The following PSD3 variants were observed in gnomAD, a reference collection of about 807,000 sequenced individuals.
PSD3 encodes the protein PH and SEC7 domain-containing protein 3.
In PSD3, 49 loss-of-function variants were observed where a neutral mutation model predicts 105.5. The ratio of observed to expected loss-of-function variants is 0.46; its 90% CI spans 0.37 to 0.59. PSD3 has a LOEUF of 0.59. Ranked by LOEUF, PSD3 falls within the 20% of genes least tolerant of loss-of-function variation. PSD3 has a pLI of 0.00. For synonymous variants in PSD3, 557 were observed against 457.8 expected (o/e 1.22, Z -2.77); for missense variants, 1,561 against 1,263.8 (o/e 1.24, Z -3.57).
chr8:18,871,704 C>T lies in PSD3; in HGVS notation c.1160G>A (p.Ser387Asn), dbSNP rs1474095687. The T allele has an allele frequency of 1.2e-6, 2 of 1,614,056 alleles. No individual in the cohort carries two copies. Among genetic ancestry groups the T allele is most frequent in the Admixed American group, 3.3e-5 (2 of 60,006 alleles). ...GTFSPVRLDESGEDEVFLQEN... is the reference protein window; with the variant it reads ...GTFSPVRLDENGEDEVFLQEN... ...CTGTAGGAAGACTTCATCCTCTCCA[C>T]TCTCATCAAGACGCACAGGGGAAAA... Residue 387 changes from serine to asparagine, a missense_variant, in exon 3 of 16, where the codon AGT (serine) becomes AAT (asparagine). Transcript: ENST00000327040.
chr8:18,596,354 G>A (rs985801070), intron 12 of PSD3, among the ~76,000 whole-genome samples: 9 of 151,790 alleles, frequency 5.9e-5, no homozygotes, highest in African/African-American at 2.2e-4. Context: ...GTAATGCAAA[G>A]TTAGCACAGG....
intron 9 of PSD3, among the ~76,000 whole-genome samples, chr8:18,731,497 T>C (rs1414634594): frequency 6.6e-6 from 1 of 152,186 alleles, no homozygotes; most frequent in African/African-American, 2.4e-5. Flanking sequence ...AAACATGATC[T>C]CAGTAATTCT....
chr8:18,787,316 G>A (rs980133528), intron 8 of PSD3, among the ~76,000 whole-genome samples: 2 of 152,078 alleles, frequency 1.3e-5, no homozygotes, highest in African/African-American at 4.8e-5. Flanking sequence ...AATAAAGCAT[G>A]GAGATTTGAA....
intron 14 of PSD3, among the ~76,000 whole-genome samples, chr8:18,562,518 C>T (rs551809894): frequency 1.1e-4 from 17 of 152,302 alleles, no homozygotes; most frequent in South Asian, 2.1e-4. Flanking sequence ...CCACTGCTGC[C>T]GGGTCTCCTC....
At chr8:18,552,840 A>C (rs886445042) in intron 15 of PSD3, among the ~76,000 whole-genome samples, 1 of 152,174 alleles carries the variant, frequency 6.6e-6, no homozygotes, top group South Asian at 2.1e-4. Context: ...CCCTTCGCTT[A>C]GAGTTAAGTC....
chr8:18,574,095 T>C (rs1802328975), intron 13 of PSD3, among the ~76,000 whole-genome samples: 1 of 152,126 alleles, frequency 6.6e-6, no homozygotes, highest in South Asian at 2.1e-4. Flanking sequence ...CATAAATGAA[T>C]GGTAGAAATG....
chr8:19,067,975 A>C (rs1362432315), intron 1 of PSD3, among the ~76,000 whole-genome samples: 1 of 152,196 alleles, frequency 6.6e-6, no homozygotes, highest in South Asian at 2.1e-4. Flanking sequence ...AGTCAGGCAC[A>C]TGGGAAGTGA....
chr8:18,777,173 G>C (rs983356108), intron 8 of PSD3, among the ~76,000 whole-genome samples: 1 of 152,036 alleles, frequency 6.6e-6, no homozygotes, highest in African/African-American at 2.4e-5. Flanking sequence ...CTCCCGTGTA[G>C]CTGGGACTAC....
chr8:19,076,853 G>T (rs1024076296), intron 1 of PSD3, among the ~76,000 whole-genome samples: 7 of 152,026 alleles, frequency 4.6e-5, no homozygotes, highest in African/African-American at 1.7e-4. Flanking sequence ...CTTTGACCTT[G>T]GGCAGGTAGG....
intron 6 of PSD3, among the ~76,000 whole-genome samples, chr8:18,802,822 T>C (rs1257918162): frequency 6.6e-6 from 1 of 152,206 alleles, no homozygotes; most frequent in East Asian, 1.9e-4. Context: ...CTTAGAAACT[T>C]GTAATACAAT....
chr8:18,823,410 C>T (rs1351958393), intron 4 of PSD3, among the ~76,000 whole-genome samples: 4 of 152,082 alleles, frequency 2.6e-5, no homozygotes, highest in Non-Finnish European at 4.4e-5. Flanking sequence ...AAAATAAGAA[C>T]AAAATACAAG....
intron 2 of PSD3, among the ~76,000 whole-genome samples, chr8:18,908,577 T>C (rs541556943): frequency 1.6e-4 from 24 of 152,328 alleles, no homozygotes; most frequent in African/African-American, 5.8e-4. Flanking sequence ...TGACTTCCCG[T>C]TCTGATCCTG....
At chr8:18,779,037 C>T (rs990182941) in intron 8 of PSD3, among the ~76,000 whole-genome samples, 3 of 150,112 alleles carry the variant, frequency 2.0e-5, no homozygotes, top group Non-Finnish European at 4.4e-5. Flanking sequence ...GATGTTAGAT[C>T]TTCTTTGTAA....
intron 9 of PSD3, among the ~76,000 whole-genome samples, chr8:18,758,663 T>C (rs1806259572): frequency 6.6e-6 from 1 of 152,126 alleles, no homozygotes; most frequent in Non-Finnish European, 1.5e-5. Context: ...CATTAATCTT[T>C]ATTTAAAATG....
intron 4 of PSD3, among the ~76,000 whole-genome samples, chr8:18,858,439 G>C (rs965930533): frequency 6.6e-6 from 1 of 152,106 alleles, no homozygotes; most frequent in South Asian, 2.1e-4. Context: ...CGGTGGCTGT[G>C]GCAACTTCTG....
chr8:18,545,731 T>G (rs1245765389), intron 15 of PSD3, among the ~76,000 whole-genome samples: 1 of 152,206 alleles, frequency 6.6e-6, no homozygotes, highest in Non-Finnish European at 1.5e-5. Flanking sequence ...TGCTTTTCCT[T>G]CTGATTGTAC....
intron 14 of PSD3, among the ~76,000 whole-genome samples, chr8:18,564,287 G>C (rs927408028): frequency 6.6e-6 from 1 of 152,134 alleles, no homozygotes; most frequent in Non-Finnish European, 1.5e-5. Flanking sequence ...GAGTAGACCA[G>C]TGATCTAGGT....
At chr8:18,904,172 AG>A (rs1819688388) in intron 2 of PSD3, among the ~76,000 whole-genome samples, 1 of 152,118 alleles carries the variant, frequency 6.6e-6, no homozygotes, top group Non-Finnish European at 1.5e-5. Context: ...AAGGTGAGAG[AG>A]GGAACAAGAG....
intron 1 of PSD3, among the ~76,000 whole-genome samples, chr8:19,032,454 G>C (rs1403646677): frequency 6.6e-6 from 1 of 152,026 alleles, no homozygotes; most frequent in Non-Finnish European, 1.5e-5. Flanking sequence ...GTCAGCCTGG[G>C]TCTTGAACTG....
Sources: gnomAD v4.1 joint callset for allele counts (sites outside exome capture counted in the v4.1 genomes callset) on GRCh38, gnomAD v4.1.1 for gene constraint, MANE v1.5 for transcripts, NCBI Gene and HGNC (gene_info 2026-07-23, HGNC 2026-07-21) for gene names.